Variants in ATXN7 observed in about 807,000 individuals in gnomAD.
The protein encoded by ATXN7 is ataxin 7.
A neutral mutation model predicts 70.5 loss-of-function variants in ATXN7; 12 were observed. The ratio of observed to expected loss-of-function variants is 0.17; its 90% CI spans 0.11 to 0.28. ATXN7 has a LOEUF of 0.28. Among genes scored for constraint, ATXN7 ranks in the 10% least tolerant of loss-of-function variants. The probability of loss-of-function intolerance (pLI) is 1.00; values close to 1 mark genes in which losing one functional copy is unlikely to be tolerated. For missense variants in ATXN7, 1,256 were observed against 1,131.7 expected (o/e 1.11, Z -1.58); for synonymous variants, 498 against 448.7 (o/e 1.11, Z -1.39).
At chr3:63,982,799 A>G (rs2075512422) in intron 7 of ATXN7, 140 bp from the exon 8 acceptor site, 2 of 679,258 alleles carry the variant, frequency 2.9e-6, no homozygotes, top group East Asian at 2.7e-5. Flanking sequence ...CACACGTTGT[A>G]TATTTTTTAT....
intron 1 of ATXN7, among the ~76,000 whole-genome samples, chr3:63,882,713 T>C (rs1702952157): frequency 6.6e-6 from 1 of 152,176 alleles, no homozygotes; most frequent in South Asian, 2.1e-4. Flanking sequence ...ATATGTGTTG[T>C]TTATTTATCA....
At chr3:63,919,867 A>G (rs1255394285) in intron 4 of ATXN7, among the ~76,000 whole-genome samples, 1 of 150,416 alleles carries the variant, frequency 6.6e-6, no homozygotes. Context: ...TCCAAGAGCC[A>G]TGGACCATGA....
chr3:63,990,966 C>T (rs1009752676), intron 11 of ATXN7, 107 bp downstream of exon 11: 11 of 1,554,148 alleles, frequency 7.1e-6, no homozygotes, highest in Middle Eastern at 3.4e-4. Flanking sequence ...CTAAACAAAA[C>T]TGGCCTTTGG....
chr3:63,961,607 G>T (rs969537096), intron 5 of ATXN7, among the ~76,000 whole-genome samples: 1 of 151,992 alleles, frequency 6.6e-6, no homozygotes, highest in Non-Finnish European at 1.5e-5. Flanking sequence ...TGTTTATAAT[G>T]TGTATATGGA....
At chr3:63,959,712 TTAAAA>T (rs1303486029) in intron 5 of ATXN7, among the ~76,000 whole-genome samples, 2 of 152,168 alleles carry the variant, frequency 1.3e-5, no homozygotes, top group Non-Finnish European at 2.9e-5. Flanking sequence ...GCAAATATCT[TTAAAA>T]TAAAGTTATG....
chr3:63,982,474 G>C, intron 7 of ATXN7, 29 bp downstream of exon 7: 1 of 1,538,394 alleles, frequency 6.5e-7, no homozygotes, highest in Non-Finnish European at 8.9e-7. Context: ...TCTTCATAAT[G>C]CTTCTCTATA....
chr3:63,929,741 A>G (rs1383652015), intron 4 of ATXN7, among the ~76,000 whole-genome samples: 1 of 152,118 alleles, frequency 6.6e-6, no homozygotes, highest in Non-Finnish European at 1.5e-5. Flanking sequence ...TCAAACAACA[A>G]CAAAGGACAG....
intron 2 of ATXN7, among the ~76,000 whole-genome samples, chr3:63,903,122 C>T (rs543909321): frequency 2.6e-5 from 4 of 152,100 alleles, no homozygotes; most frequent in South Asian, 4.1e-4. Context: ...GGGCCGGGCA[C>T]GGTGGCTCAC....
At chr3:63,875,939 C>T (rs1702737564) in intron 1 of ATXN7, among the ~76,000 whole-genome samples, 1 of 152,188 alleles carries the variant, frequency 6.6e-6, no homozygotes. Flanking sequence ...TAAATACACA[C>T]ATCCCAAGAC....
intron 12 of ATXN7, chr3:63,997,556 G>A: frequency 1.4e-6 from 2 of 1,416,780 alleles, no homozygotes. Context: ...ACCTGTAGCT[G>A]TTTCTTCCAG....
At chr3:63,988,357 T>C (rs1257744329) in intron 9 of ATXN7, 33 bp downstream of exon 9, 1 of 1,612,444 alleles carries the variant, frequency 6.2e-7, no homozygotes, top group Admixed American at 1.7e-5. Context: ...TTCTCCCACC[T>C]TCAGAGATGA....
intron 5 of ATXN7, among the ~76,000 whole-genome samples, chr3:63,959,783 C>T (rs2075096322): frequency 6.6e-6 from 1 of 152,138 alleles, no homozygotes; most frequent in Non-Finnish European, 1.5e-5. Context: ...TATTTTTCCT[C>T]TTACTGATAT....
intron 5 of ATXN7, chr3:63,967,780 G>C (rs1309665282): frequency 2.0e-6 from 3 of 1,467,626 alleles, no homozygotes; most frequent in Non-Finnish European, 2.7e-6. Flanking sequence ...TGTAATTCAA[G>C]TGCTTTTTAC....
chr3:63,913,300 C>T, intron 4 of ATXN7, 75 bp downstream of exon 4: 1 of 1,442,186 alleles, frequency 6.9e-7, no homozygotes, highest in Non-Finnish European at 9.7e-7. Context: ...GGACCGGGAA[C>T]ATCAGCCCAC....
In ATXN7 at chr3:63,953,695, C is replaced by T. The variant is rs1173473569; in HGVS notation, c.499+1212C>T. Among the ~76,000 whole-genome samples the T allele has an allele frequency of 2.0e-5, 3 of 150,000 alleles. No individual in the cohort carries two copies. In the East Asian group the frequency reaches 5.8e-4, roughly 29 times the overall value. ...TTTGAGACGGCCTCTCTGTCATCCA[C>T]GTTGGAGTGCAGTGGTGCGATCTCG... is the stretch of plus-strand genomic sequence containing the variant. On this transcript the variant is annotated intron_variant, in intron 5 of 12. Transcript: ENST00000674280.
intron 12 of ATXN7, chr3:63,997,980 A>G: frequency 2.0e-6 from 2 of 985,366 alleles, no homozygotes; most frequent in African/African-American, 1.7e-5. Context: ...CTTGGTTTGT[A>G]GTTACTCATT....
intron 1 of ATXN7, among the ~76,000 whole-genome samples, chr3:63,882,861 T>C (rs1324143182): frequency 6.6e-6 from 1 of 152,190 alleles, no homozygotes. Flanking sequence ...GTGTTTAGGA[T>C]GAACACATAG....
chr3:63,934,005 C>T (rs2074611463), intron 4 of ATXN7, among the ~76,000 whole-genome samples: 1 of 151,868 alleles, frequency 6.6e-6, no homozygotes, highest in Admixed American at 6.5e-5. Flanking sequence ...TTGGAAATTG[C>T]GTAGTTGGTT....
chr3:63,863,798 G>GCGC, upstream of ATXN7: 1 of 1,000,588 alleles, frequency 1.0e-6, no homozygotes, highest in Non-Finnish European at 1.3e-6. Context: ...CATGGCGTGC[G>GCGC]CGGCGGCGGC....
Sources: gnomAD v4.1 joint callset for allele counts (sites outside exome capture counted in the v4.1 genomes callset) on GRCh38, gnomAD v4.1.1 for gene constraint, MANE v1.5 for transcripts, NCBI Gene and HGNC (gene_info 2026-07-23, HGNC 2026-07-21) for gene names.